SOX6: variants seen among roughly 807,000 people sequenced by gnomAD.
SOX6 encodes SRY-box transcription factor 6.
Under a neutral mutation model 97.8 loss-of-function variants are expected in SOX6, and 11 were observed. The observed-to-expected ratio is 0.11, with a 90% CI of 0.07 to 0.19. The LOEUF (loss-of-function observed/expected upper bound fraction) is 0.19. SOX6 is among the 10% of genes least tolerant of loss of function. The pLI, the probability that SOX6 is intolerant of heterozygous loss-of-function variation, is 1.00. For missense variants in SOX6, 810 were observed against 1,039.5 expected, an observed-to-expected ratio of 0.78 and a Z score of 3.04; for synonymous variants, 360 against 371.4, an observed-to-expected ratio of 0.97 and a Z score of 0.35.
intron 5 of SOX6, among the ~76,000 whole-genome samples, chr11:16,184,302 A>T (rs1356008093): frequency 6.6e-6 from 1 of 152,118 alleles, no homozygotes; most frequent in Non-Finnish European, 1.5e-5. Context: ...CTTAATTTGG[A>T]TGTAAAAAGT....
intron 2 of SOX6, among the ~76,000 whole-genome samples, chr11:16,727,637 C>A (rs1848317443): frequency 6.6e-6 from 1 of 151,570 alleles, no homozygotes; most frequent in Admixed American, 6.6e-5. Context: ...GGGGTTTCAC[C>A]ATCTTGGCCA....
At chr11:16,678,738 A>G (rs1005658635) in intron 3 of SOX6, among the ~76,000 whole-genome samples, 2 of 152,044 alleles carry the variant, frequency 1.3e-5, no homozygotes, top group Non-Finnish European at 2.9e-5. Context: ...GGAACAATAC[A>G]CTTCTGCCCA....
chr11:16,094,432 C>T (rs1183528187), intron 9 of SOX6, among the ~76,000 whole-genome samples: 2 of 151,726 alleles, frequency 1.3e-5, no homozygotes, highest in Non-Finnish European at 2.9e-5. Context: ...AACAGAAAAT[C>T]CAAAAGAAAA....
chr11:16,503,532 G>A (rs11529591), intron 4 of SOX6, among the ~76,000 whole-genome samples: 26,750 of 152,076 alleles, frequency 0.18, 2,748 homozygotes, highest in Admixed American at 0.31. Flanking sequence ...CCAAGTATAT[G>A]CTGTCTACAG....
chr11:16,092,415 C>T (rs1475989749), intron 9 of SOX6, among the ~76,000 whole-genome samples: 5 of 151,898 alleles, frequency 3.3e-5, no homozygotes, highest in African/African-American at 1.2e-4. Flanking sequence ...ACTGGCAGTG[C>T]CGCCAGTGAC....
intron 6 of SOX6, among the ~76,000 whole-genome samples, chr11:16,132,125 A>G (rs1046591687): frequency 1.3e-5 from 2 of 151,534 alleles, no homozygotes; most frequent in Non-Finnish European, 2.9e-5. Flanking sequence ...GATTAAGGAA[A>G]ATTATGTAAT....
chr11:16,649,463 C>G (rs1270953853), intron 3 of SOX6, among the ~76,000 whole-genome samples: 1 of 152,142 alleles, frequency 6.6e-6, no homozygotes, highest in Non-Finnish European at 1.5e-5. Flanking sequence ...TGAGGTCCCA[C>G]ATTTAGCCTC....
chr11:16,594,753 T>G (rs555360056), intron 4 of SOX6, among the ~76,000 whole-genome samples: 3 of 127,446 alleles, frequency 2.4e-5, no homozygotes, highest in African/African-American at 5.8e-5. Flanking sequence ...TGCAGTGGCG[T>G]GATCTCGGCT....
intron 7 of SOX6, among the ~76,000 whole-genome samples, chr11:16,108,486 G>T (rs1849152596): frequency 6.6e-6 from 1 of 152,032 alleles, no homozygotes; most frequent in African/African-American, 2.4e-5. Context: ...TCCAATATTT[G>T]TGCTCAAATG....
At chr11:16,434,519 T>G (rs1444382228) in intron 1 of SOX6, 1 of 152,178 alleles carries the variant, frequency 6.6e-6, no homozygotes, top group East Asian at 1.9e-4. Flanking sequence ...TTTACATGTC[T>G]TCTTAATTTC....
At chr11:16,388,218 T>C (rs926302727) in intron 1 of SOX6, among the ~76,000 whole-genome samples, 7 of 152,202 alleles carry the variant, frequency 4.6e-5, no homozygotes, top group Non-Finnish European at 8.8e-5. Context: ...ACTCTGTTAA[T>C]ACAGTGACAT....
chr11:16,606,097 T>A (rs1487121333), intron 4 of SOX6: 1 of 151,638 alleles, frequency 6.6e-6, no homozygotes, highest in Non-Finnish European at 1.5e-5. Context: ...AGGAGGGCAC[T>A]CCAGTCGTCA....
chr11:16,203,779 C>A (rs1159303531), intron 4 of SOX6, among the ~76,000 whole-genome samples: 1 of 151,998 alleles, frequency 6.6e-6, no homozygotes, highest in Non-Finnish European at 1.5e-5. Context: ...CAGAGATCAT[C>A]AGCAATAGTG....
At chr11:15,974,425 A>G (rs1169087732) in intron 15 of SOX6, among the ~76,000 whole-genome samples, 1 of 112,068 alleles carries the variant, frequency 8.9e-6, no homozygotes, top group East Asian at 2.5e-4. Flanking sequence ...GTTTTAGGGT[A>G]CATGTGCACA....
intron 6 of SOX6, among the ~76,000 whole-genome samples, chr11:16,177,621 A>ATCTCTCTCCC (rs1851231284): frequency 2.1e-5 from 3 of 145,656 alleles, no homozygotes; most frequent in African/African-American, 7.7e-5. Context: ...GAATAAGATG[A>ATCTCTCTCCC]TCTCTCTCTC....
intron 3 of SOX6, among the ~76,000 whole-genome samples, chr11:16,713,097 C>T (rs1354790100): frequency 2.6e-5 from 4 of 152,166 alleles, no homozygotes; most frequent in Non-Finnish European, 5.9e-5. Context: ...GCCACAGTGA[C>T]CCCAGACTTT....
At chr11:16,705,497 T>C (rs1848125165) in intron 3 of SOX6, among the ~76,000 whole-genome samples, 1 of 151,610 alleles carries the variant, frequency 6.6e-6, no homozygotes, top group Admixed American at 6.6e-5. Flanking sequence ...CATAGTGGCA[T>C]GTACCTGTGG....
chr11:16,679,042 G>A (rs1847906249), intron 3 of SOX6, among the ~76,000 whole-genome samples: 1 of 152,248 alleles, frequency 6.6e-6, no homozygotes, highest in African/African-American at 2.4e-5. Flanking sequence ...AGGCATAGCT[G>A]AACAAAAGGC....
At chr11:16,128,897 G>C (rs1270514974) in intron 6 of SOX6, among the ~76,000 whole-genome samples, 2 of 151,980 alleles carry the variant, frequency 1.3e-5, no homozygotes, top group Admixed American at 6.6e-5. Flanking sequence ...TTTCGCTCTT[G>C]TTGCCCAGGC....
Sources: gnomAD v4.1 joint callset for allele counts (sites outside exome capture counted in the v4.1 genomes callset) on GRCh38, gnomAD v4.1.1 for gene constraint, MANE v1.5 for transcripts, NCBI Gene and HGNC (gene_info 2026-07-23, HGNC 2026-07-21) for gene names.